The following TNFSF4 variants were observed in gnomAD, a reference collection of about 807,000 sequenced individuals.
The protein encoded by TNFSF4 is tumor necrosis factor ligand superfamily member 4.
TNFSF4 carries 4 observed loss-of-function variants against 7.3 expected under a neutral mutation model. The ratio of observed to expected loss-of-function variants is 0.55; its 90% CI spans 0.27 to 1.25. The LOEUF (loss-of-function observed/expected upper bound fraction) is 1.25. Among genes scored for constraint, TNFSF4 ranks in the 50% most tolerant of loss-of-function variants. The probability of loss-of-function intolerance (pLI) is 0.12; values close to 1 mark genes in which losing one functional copy is unlikely to be tolerated. For missense variants in TNFSF4, 181 were observed against 208.8 expected, an observed-to-expected ratio of 0.87 and a Z score of 0.82; for synonymous variants, 76 against 83.7, an observed-to-expected ratio of 0.91 and a Z score of 0.50.
At chr1:173,193,949 ATGT>A (rs931242248) in intron 1 of TNFSF4, among the ~76,000 whole-genome samples, 1 of 152,146 alleles carries the variant, frequency 6.6e-6, no homozygotes. Flanking sequence ...CCACCAAAAT[ATGT>A]TGTTGTTGTT....
At chr1:173,407,701 T>TGG in the TNFSF4 span, among the ~76,000 whole-genome samples, 1 of 119,986 alleles carries the variant, frequency 8.3e-6, no homozygotes, top group African/African-American at 2.8e-5. Flanking sequence ...TAGATGTAAA[T>TGG]GGGTGTGTGT....
chr1:173,180,351 T>C (rs1355809142), downstream of TNFSF4, among the ~76,000 whole-genome samples: 2 of 152,222 alleles, frequency 1.3e-5, no homozygotes, highest in Non-Finnish European at 2.9e-5. Context: ...AATGATTTCA[T>C]ATTTGTCTTT....
upstream of TNFSF4, among the ~76,000 whole-genome samples, chr1:173,212,266 G>C (rs1187810653): frequency 6.6e-6 from 1 of 152,044 alleles, no homozygotes; most frequent in Non-Finnish European, 1.5e-5. Context: ...TCCAACACTG[G>C]AGCTCAAATT....
the TNFSF4 span, among the ~76,000 whole-genome samples, chr1:173,402,714 T>C: frequency 3.9e-5 from 6 of 152,088 alleles, no homozygotes; most frequent in Non-Finnish European, 7.4e-5. Context: ...CAGAGAAGGG[T>C]GAGTTTGGGC....
At chr1:173,401,133 A>G in the TNFSF4 span, among the ~76,000 whole-genome samples, 23 of 152,172 alleles carry the variant, frequency 1.5e-4, no homozygotes. Flanking sequence ...TTTACATCGT[A>G]GTGTTTAAGT....
chr1:173,437,363 T>A, the TNFSF4 span, among the ~76,000 whole-genome samples: 1 of 152,140 alleles, frequency 6.6e-6, no homozygotes, highest in African/African-American at 2.4e-5. Flanking sequence ...ACTTTGTTAA[T>A]TTTTTTGTTG....
At chr1:173,266,788 A>G in the TNFSF4 span, among the ~76,000 whole-genome samples, 1 of 152,202 alleles carries the variant, frequency 6.6e-6, no homozygotes, top group African/African-American at 2.4e-5. Flanking sequence ...GATAACTGTC[A>G]TTTAATGTCT....
At chr1:173,245,318 ATATT>A in the TNFSF4 span, among the ~76,000 whole-genome samples, 1 of 152,190 alleles carries the variant, frequency 6.6e-6, no homozygotes, top group African/African-American at 2.4e-5. Flanking sequence ...TTTTTCTTGA[ATATT>A]TAATTTCTCA....
At chr1:173,288,507 A>G in the TNFSF4 span, among the ~76,000 whole-genome samples, 2 of 152,282 alleles carry the variant, frequency 1.3e-5, no homozygotes, top group African/African-American at 2.4e-5. Flanking sequence ...TAAACACAAT[A>G]TGATTGATTT....
At chr1:173,365,806 T>C in the TNFSF4 span, among the ~76,000 whole-genome samples, 2 of 152,222 alleles carry the variant, frequency 1.3e-5, no homozygotes, top group Admixed American at 1.3e-4. Context: ...TTTTGGGGTA[T>C]GATCTGCATG....
the TNFSF4 span, among the ~76,000 whole-genome samples, chr1:173,310,948 T>A: frequency 6.6e-6 from 1 of 151,992 alleles, no homozygotes; most frequent in Non-Finnish European, 1.5e-5. Flanking sequence ...GTTGTTTACA[T>A]GGTAGATATT....
the TNFSF4 span, among the ~76,000 whole-genome samples, chr1:173,178,018 A>T: frequency 2.0e-5 from 3 of 152,200 alleles, no homozygotes; most frequent in East Asian, 5.8e-4. Context: ...TATCATTAGT[A>T]AGAACAGTTT....
At chr1:173,323,651 G>A in the TNFSF4 span, among the ~76,000 whole-genome samples, 2 of 152,084 alleles carry the variant, frequency 1.3e-5, no homozygotes, top group East Asian at 3.9e-4. Flanking sequence ...AATAACCAAT[G>A]AGGAGAAGTC....
the TNFSF4 span, among the ~76,000 whole-genome samples, chr1:173,234,170 T>G: frequency 6.6e-6 from 1 of 152,168 alleles, no homozygotes; most frequent in African/African-American, 2.4e-5. Context: ...AAGAAGACAT[T>G]TATGCAGCCA....
the TNFSF4 span, among the ~76,000 whole-genome samples, chr1:173,274,722 T>G: frequency 6.6e-6 from 1 of 152,140 alleles, no homozygotes; most frequent in Non-Finnish European, 1.5e-5. Flanking sequence ...AGAAAATTAA[T>G]ACAGTAAGAA....
the TNFSF4 span, among the ~76,000 whole-genome samples, chr1:173,253,301 A>C: frequency 6.6e-6 from 1 of 152,230 alleles, no homozygotes; most frequent in African/African-American, 2.4e-5. Flanking sequence ...ATCCTCAAAC[A>C]TAAGTGAACG....
chr1:173,266,255 G>A, the TNFSF4 span, among the ~76,000 whole-genome samples: 1 of 152,106 alleles, frequency 6.6e-6, no homozygotes, highest in African/African-American at 2.4e-5. Flanking sequence ...ATCAAAGAGA[G>A]TAGAAACAGC....
the TNFSF4 span, among the ~76,000 whole-genome samples, chr1:173,338,623 G>C: frequency 2.6e-5 from 4 of 152,172 alleles, no homozygotes; most frequent in African/African-American, 7.2e-5. Flanking sequence ...TTCTCCCATA[G>C]CTAGGGTCCG....
the TNFSF4 span, among the ~76,000 whole-genome samples, chr1:173,173,577 C>T: frequency 6.6e-6 from 1 of 152,336 alleles, no homozygotes; most frequent in African/African-American, 2.4e-5. Context: ...CAAGCATTTC[C>T]ATACATCCTC....
Sources: allele counts gnomAD v4.1 joint callset (sites outside exome capture counted in the v4.1 genomes callset), GRCh38; gene constraint gnomAD v4.1.1; transcripts MANE v1.5; gene names NCBI Gene and HGNC (gene_info 2026-07-23, HGNC 2026-07-21).